The following DOCK1 variants were observed in gnomAD, a reference collection of about 807,000 sequenced individuals.
DOCK1 encodes dedicator of cytokinesis 1.
A neutral mutation model predicts 262.7 loss-of-function variants in DOCK1; 138 were observed. The observed-to-expected ratio is 0.53, with a 90% CI of 0.46 to 0.61. DOCK1 has a LOEUF of 0.61. DOCK1 is among the 20% of genes least tolerant of loss of function. The pLI, the probability that DOCK1 is intolerant of heterozygous loss-of-function variation, is 0.00. For missense variants in DOCK1, 1,908 were observed against 2,370.7 expected (o/e 0.80, Z 4.05); for synonymous variants, 866 against 867.4 (o/e 1.00, Z 0.03).
chr10:127,086,883 G>A (rs1052469778), intron 23 of DOCK1, among the ~76,000 whole-genome samples: 3 of 152,084 alleles, frequency 2.0e-5, no homozygotes, highest in African/African-American at 2.4e-5. Flanking sequence ...AATTAATAAC[G>A]TGTTTTAGTA....
At chr10:127,000,884 A>G (rs543074524) in intron 10 of DOCK1, 2 of 155,808 alleles carry the variant, frequency 1.3e-5, no homozygotes, top group East Asian at 1.9e-4. Context: ...GGTGCTCTTT[A>G]TCTGCCATGT....
intron 23 of DOCK1, among the ~76,000 whole-genome samples, chr10:127,086,445 A>C (rs773631838): frequency 1.3e-5 from 2 of 152,238 alleles, no homozygotes; most frequent in African/African-American, 2.4e-5. Context: ...TGGCAGAATG[A>C]ATACAAAAGA....
At chr10:127,045,147 G>C (rs941853187) in intron 21 of DOCK1, among the ~76,000 whole-genome samples, 24 of 139,054 alleles carry the variant, frequency 1.7e-4, no homozygotes, top group Non-Finnish European at 3.0e-5. Context: ...GCAGTGAGCC[G>C]AGATCGTGCC....
At chr10:127,338,240 T>C (rs1356842977) in intron 29 of DOCK1, among the ~76,000 whole-genome samples, 1 of 152,212 alleles carries the variant, frequency 6.6e-6, no homozygotes, top group Non-Finnish European at 1.5e-5. Context: ...GAAGCTTTAG[T>C]ATTGTAAGCA....
At chr10:126,966,588 G>T (rs1382125263) in intron 1 of DOCK1, among the ~76,000 whole-genome samples, 1 of 152,024 alleles carries the variant, frequency 6.6e-6, no homozygotes, top group Non-Finnish European at 1.5e-5. Context: ...TATCCTAACT[G>T]GGGTGAGATA....
chr10:127,038,844 C>T (rs2043831673), intron 19 of DOCK1, among the ~76,000 whole-genome samples: 1 of 152,142 alleles, frequency 6.6e-6, no homozygotes, highest in African/African-American at 2.4e-5. Flanking sequence ...CTCAGATACC[C>T]CACAATTTGC....
intron 51 of DOCK1, among the ~76,000 whole-genome samples, chr10:127,448,808 T>A (rs956416053): frequency 5.9e-5 from 9 of 151,576 alleles, no homozygotes; most frequent in African/African-American, 2.4e-5. Flanking sequence ...CATGGTTTTT[T>A]TTTTTATTTT....
chr10:127,447,034 G>A (rs534535250), intron 50 of DOCK1, among the ~76,000 whole-genome samples: 3 of 152,334 alleles, frequency 2.0e-5, no homozygotes, highest in Non-Finnish European at 2.9e-5. Context: ...CAGCAGCGGA[G>A]ACGGTCCTGT....
chr10:127,062,946 C>T (rs2135839084), intron 23 of DOCK1, among the ~76,000 whole-genome samples: 1 of 152,266 alleles, frequency 6.6e-6, no homozygotes, highest in South Asian at 2.1e-4. Flanking sequence ...AAGATCCCTT[C>T]CACTCACATG....
chr10:127,197,662 C>G (rs1362364398), intron 27 of DOCK1, among the ~76,000 whole-genome samples: 1 of 152,110 alleles, frequency 6.6e-6, no homozygotes, highest in Non-Finnish European at 1.5e-5. Flanking sequence ...CTTCACCCAC[C>G]CACCTCTCCA....
At chr10:127,121,155 T>A (rs950894014) in intron 25 of DOCK1, among the ~76,000 whole-genome samples, 1 of 152,186 alleles carries the variant, frequency 6.6e-6, no homozygotes, top group African/African-American at 2.4e-5. Flanking sequence ...TTCCTGGACT[T>A]CTGGTCAAGT....
At chr10:127,431,062 C>G (rs1173308873) in intron 47 of DOCK1, among the ~76,000 whole-genome samples, 2 of 151,818 alleles carry the variant, frequency 1.3e-5, no homozygotes, top group African/African-American at 4.8e-5. Flanking sequence ...AGACTGCTCC[C>G]TGTGTGCTCA....
At chr10:127,216,348 G>A (rs952405003) in intron 27 of DOCK1, among the ~76,000 whole-genome samples, 3 of 150,990 alleles carry the variant, frequency 2.0e-5, no homozygotes, top group African/African-American at 2.4e-5. Flanking sequence ...ACAAGCCCTC[G>A]AAACCAACCT....
intron 29 of DOCK1, among the ~76,000 whole-genome samples, chr10:127,282,634 C>T (rs1278642997): frequency 6.6e-6 from 1 of 152,184 alleles, no homozygotes; most frequent in African/African-American, 2.4e-5. Context: ...AACCACAGCA[C>T]ACACCCGCCT....
At chr10:126,924,039 C>G (rs188882940) in intron 1 of DOCK1, among the ~76,000 whole-genome samples, 76 of 152,154 alleles carry the variant, frequency 5.0e-4, no homozygotes, top group African/African-American at 1.8e-3. Context: ...TATGGCAGCC[C>G]GAACAGAGGT....
At chr10:127,011,704 TGTA>T (rs1234861152) in intron 11 of DOCK1, among the ~76,000 whole-genome samples, 1 of 149,820 alleles carries the variant, frequency 6.7e-6, no homozygotes, top group African/African-American at 2.5e-5. Context: ...TCTTCTCACA[TGTA>T]GTCACTTGAG....
At chr10:127,189,393 C>G (rs985655933) in intron 27 of DOCK1, among the ~76,000 whole-genome samples, 2 of 152,160 alleles carry the variant, frequency 1.3e-5, no homozygotes, top group Non-Finnish European at 2.9e-5. Context: ...TGAGCCTGGG[C>G]ACTCTGTCTG....
In DOCK1 at chr10:126,980,274, C is replaced by T. The variant is rs187299763; in HGVS notation, c.172-1644C>T. The stretch of plus-strand genomic sequence containing the variant: ...TGGCACGATCATAGATCACTGCCAC[C>T]GCGACTTCCTGGGCTCAAGGTATTC... On this transcript the variant is annotated intron_variant, in intron 3 of 51. Coordinates refer to ENST00000623213, the MANE Select transcript of DOCK1 (RefSeq NM_001290223.2). Among the ~76,000 whole-genome samples the T allele has an allele frequency of 1.3e-3, 193 of 152,156 alleles. 1 individual carries two copies. The highest frequency in any genetic ancestry group is 4.4e-3 in the African/African-American group (183 of 41,502).
chr10:127,320,158 T>TG (rs571204192), intron 29 of DOCK1, among the ~76,000 whole-genome samples: 1 of 152,018 alleles, frequency 6.6e-6, no homozygotes, highest in Non-Finnish European at 1.5e-5. Flanking sequence ...CAGAAGCTTC[T>TG]GGGGCCTGGC....
Sources: gnomAD v4.1 joint callset for allele counts (sites outside exome capture counted in the v4.1 genomes callset) on GRCh38, gnomAD v4.1.1 for gene constraint, MANE v1.5 for transcripts, NCBI Gene and HGNC (gene_info 2026-07-23, HGNC 2026-07-21) for gene names.